The following CLSTN2 variants were observed in gnomAD, a reference collection of about 807,000 sequenced individuals.
CLSTN2 encodes the protein calsyntenin-2.
Under a neutral mutation model 101.2 loss-of-function variants are expected in CLSTN2, and 48 were observed. The observed-to-expected ratio is 0.47, with a 90% CI of 0.38 to 0.60. The LOEUF is 0.60. Ranked by LOEUF, CLSTN2 falls within the 20% of genes least tolerant of loss-of-function variation. The pLI is 0.00. For missense variants in CLSTN2, 1,160 were observed against 1,238.2 expected (o/e 0.94, Z 0.95); for synonymous variants, 481 against 463.6 (o/e 1.04, Z -0.48).
chr3:140,036,692 T>A (rs879391477), intron 1 of CLSTN2, among the ~76,000 whole-genome samples: 30 of 151,940 alleles, frequency 2.0e-4, no homozygotes, highest in Non-Finnish European at 3.8e-4. Context: ...CCCATCCCTG[T>A]TGTTCTGATC....
At chr3:140,293,678 A>G (rs747124783) in intron 2 of CLSTN2, among the ~76,000 whole-genome samples, 6 of 152,122 alleles carry the variant, frequency 3.9e-5, no homozygotes, top group Non-Finnish European at 5.9e-5. Flanking sequence ...TGAGAGATGA[A>G]GAAGACGTTG....
At chr3:140,377,201 T>G (rs1051238129) in intron 2 of CLSTN2, among the ~76,000 whole-genome samples, 8 of 152,360 alleles carry the variant, frequency 5.3e-5, no homozygotes, top group Middle Eastern at 3.4e-3. Context: ...ACTCATGTGT[T>G]TGTGGTGATG....
intron 1 of CLSTN2, among the ~76,000 whole-genome samples, chr3:140,074,758 G>A (rs560887904): frequency 2.6e-5 from 4 of 152,250 alleles, no homozygotes; most frequent in African/African-American, 9.6e-5. Flanking sequence ...GCCTGAGCTT[G>A]GGGAGATTAT....
intron 1 of CLSTN2, among the ~76,000 whole-genome samples, chr3:139,978,019 A>G (rs1274365786): frequency 6.6e-6 from 1 of 152,180 alleles, no homozygotes; most frequent in Non-Finnish European, 1.5e-5. Flanking sequence ...AAGGCCCCCA[A>G]GCAGGAACAT....
intron 2 of CLSTN2, among the ~76,000 whole-genome samples, chr3:140,366,992 G>T (rs2087799074): frequency 6.6e-6 from 1 of 152,154 alleles, no homozygotes; most frequent in East Asian, 1.9e-4. Flanking sequence ...CTTAGAAGGT[G>T]GGCTTGGTAT....
chr3:140,057,791 T>A (rs1183103408), intron 1 of CLSTN2, among the ~76,000 whole-genome samples: 3 of 152,198 alleles, frequency 2.0e-5, no homozygotes, highest in Non-Finnish European at 4.4e-5. Flanking sequence ...ATACAAAATA[T>A]GGATCACAAC....
At chr3:140,189,947 G>C (rs2010535938) in intron 2 of CLSTN2, among the ~76,000 whole-genome samples, 1 of 152,144 alleles carries the variant, frequency 6.6e-6, no homozygotes, top group South Asian at 2.1e-4. Context: ...TCTGGAGCCT[G>C]GGAAACTCAA....
intron 10 of CLSTN2, among the ~76,000 whole-genome samples, chr3:140,556,041 CT>C (rs1427480380): frequency 6.6e-6 from 1 of 152,118 alleles, no homozygotes; most frequent in Non-Finnish European, 1.5e-5. Context: ...GAAAAATGAG[CT>C]TGAAGGTTGG....
chr3:140,269,793 G>A (rs1375521052), intron 2 of CLSTN2, among the ~76,000 whole-genome samples: 1 of 152,146 alleles, frequency 6.6e-6, no homozygotes, highest in African/African-American at 2.4e-5. Context: ...TTGAGAGAGG[G>A]ATTACTCCAA....
chr3:140,081,430 A>G (rs2008597844), intron 1 of CLSTN2, among the ~76,000 whole-genome samples: 1 of 152,216 alleles, frequency 6.6e-6, no homozygotes, highest in Non-Finnish European at 1.5e-5. Flanking sequence ...CTTGAAAGGG[A>G]TAAAGATTAC....
intron 2 of CLSTN2, among the ~76,000 whole-genome samples, chr3:140,396,467 C>G (rs2088184357): frequency 6.6e-6 from 1 of 152,136 alleles, no homozygotes; most frequent in African/African-American, 2.4e-5. Context: ...AATATAATAA[C>G]AGGGAAGAGA....
intron 1 of CLSTN2, among the ~76,000 whole-genome samples, chr3:139,985,707 A>C (rs1202301737): frequency 6.6e-6 from 1 of 152,202 alleles, no homozygotes; most frequent in African/African-American, 2.4e-5. Context: ...AAACGAAAGC[A>C]ATTGAATCTT....
intron 2 of CLSTN2, among the ~76,000 whole-genome samples, chr3:140,278,609 G>T (rs566904832): frequency 2.0e-5 from 3 of 152,346 alleles, no homozygotes; most frequent in African/African-American, 7.2e-5. Context: ...CAGTCCTGGA[G>T]GGGAAGATGG....
intron 1 of CLSTN2, among the ~76,000 whole-genome samples, chr3:140,038,304 T>C (rs1030558334): frequency 6.6e-6 from 1 of 152,148 alleles, no homozygotes; most frequent in South Asian, 2.1e-4. Context: ...ATCAGTGATG[T>C]TGAGCTTTTT....
intron 8 of CLSTN2, among the ~76,000 whole-genome samples, chr3:140,512,429 G>T (rs1479008030): frequency 6.6e-6 from 1 of 152,056 alleles, no homozygotes; most frequent in Non-Finnish European, 1.5e-5. Context: ...ACGGTTGTAG[G>T]TGTGTGGTCT....
chr3:140,471,451 G>A (rs1382686826), intron 8 of CLSTN2, among the ~76,000 whole-genome samples: 1 of 152,156 alleles, frequency 6.6e-6, no homozygotes, highest in Non-Finnish European at 1.5e-5. Flanking sequence ...GGAAAAAAGT[G>A]CATCTCTGAA....
At chr3:140,051,632 C>G (rs2007995931) in intron 1 of CLSTN2, among the ~76,000 whole-genome samples, 9 of 152,172 alleles carry the variant, frequency 5.9e-5, no homozygotes, top group Admixed American at 3.3e-4. Context: ...TGTGTTGTTA[C>G]TTCCAGAGAA....
chr3:140,549,505 G>T (rs895397384), intron 10 of CLSTN2, among the ~76,000 whole-genome samples: 13 of 150,562 alleles, frequency 8.6e-5, no homozygotes, highest in African/African-American at 3.2e-4. Flanking sequence ...TTAATAAGAC[G>T]CCCAATTTAT....
At chr3:140,158,454 T>C (rs1347943860) in intron 1 of CLSTN2, among the ~76,000 whole-genome samples, 1 of 152,036 alleles carries the variant, frequency 6.6e-6, no homozygotes, top group Non-Finnish European at 1.5e-5. Context: ...ACACTAGCTA[T>C]GAAAAAATTG....
Sources: gnomAD v4.1 joint callset for allele counts (sites outside exome capture counted in the v4.1 genomes callset) on GRCh38, gnomAD v4.1.1 for gene constraint, MANE v1.5 for transcripts, NCBI Gene and HGNC (gene_info 2026-07-23, HGNC 2026-07-21) for gene names.